Variants in ZBTB14 observed in about 807,000 individuals in gnomAD.
The protein encoded by ZBTB14 is zinc finger and BTB domain containing 14.
In ZBTB14, 8 loss-of-function variants were observed where a neutral mutation model predicts 29.5. That is an observed-to-expected ratio of 0.27 (90% confidence interval 0.16 to 0.49). The LOEUF is 0.49. Among genes scored for constraint, ZBTB14 ranks in the 20% least tolerant of loss-of-function variants. ZBTB14 has a pLI of 0.99. For missense variants in ZBTB14, 333 were observed against 563.8 expected, an observed-to-expected ratio of 0.59 and a Z score of 4.15; for synonymous variants, 226 against 207.2, an observed-to-expected ratio of 1.09 and a Z score of -0.78.
Position 5,289,397 on chromosome 18 carries a change from A to G in ZBTB14, c.*1461T>C, listed in dbSNP as rs1391786711. ...CAAGCTATGAAGTGAAATTACTTTAATTTTTTTAAAAGAAATCCTAGCAAT... is the reference window on the plus strand; with the variant it reads ...CAAGCTATGAAGTGAAATTACTTTAGTTTTTTTAAAAGAAATCCTAGCAAT... On this transcript the variant is annotated 3_prime_UTR_variant, in exon 4 of 4. Coordinates refer to ENST00000651870, the MANE Select transcript of ZBTB14 (RefSeq NM_001243702.2). The G allele has an allele frequency of 2.6e-5, 4 of 152,160 alleles. No homozygotes were observed. Among genetic ancestry groups the G allele is most frequent in the African/African-American group, 9.7e-5 (4 of 41,450 alleles). 9.4% of individuals were successfully genotyped at this position (152,160 alleles called of 1,614,324 possible).
chr18:5,291,269 A>T lies in ZBTB14; in HGVS notation c.939T>A (p.Gly313=), dbSNP rs149008980. 100 of 1,613,872 alleles carry T rather than the reference A, an allele frequency of 6.2e-5. No individual in the cohort carries two copies. Among genetic ancestry groups the T allele is most frequent in the Non-Finnish European group, 8.2e-5 (97 of 1,180,010 alleles). The part of the protein sequence containing the change: ...RPFVCEMCTK[G]FTTQAHLKEH... ...CTTTCAGGTGGGCCTGTGTGGTGAA[A>T]CCTTTTGTGCACATTTCACAAACAA... The change falls in exon 4 of 4, where the codon GGT becomes GGA. Residue 313 remains glycine, a synonymous_variant. Coordinates refer to ENST00000651870, the MANE Select transcript of ZBTB14 (RefSeq NM_001243702.2). The surrounding 1 kb of genome is among the most constrained non-coding windows in gnomAD (Gnocchi z 5.8).
rs1460769436 is a variant in ZBTB14 at position 5,291,195 on chromosome 18, C to A, written c.1013G>T (p.Cys338Phe). The change falls in exon 4 of 4, where the codon TGT becomes TTT. Residue 338 changes from cysteine (C) to phenylalanine (F), a missense_variant. Physicochemically the swap from Cys to Phe is radical, Grantham distance 205 (BLOSUM62 -2). Transcript: ENST00000651870. This position sits in a 1 kb window ranked among gnomAD's most constrained non-coding sequence, Gnocchi z 5.8. ...TGGGGCACGGATAAATGATTTTCCACACACCTCACAGCTATAGGGCTTATA... is the reference window on the plus strand; with the variant it reads ...TGGGGCACGGATAAATGATTTTCCAAACACCTCACAGCTATAGGGCTTATA... ...TGYKPYSCEV[C>F]GKSFIRAPDL... 1 of 1,614,138 alleles carries A rather than the reference C, an allele frequency of 6.2e-7. No individual in the cohort carries two copies.
At chr18:5,296,687 G>A (rs139520908), upstream of ZBTB14, among the ~76,000 whole-genome samples, 1 of 152,112 alleles carries the variant, frequency 6.6e-6, no homozygotes, top group African/African-American at 2.4e-5. Context: ...AAAAAGCGAC[G>A]TCTTCGATTT....
rs927374213 is a variant in ZBTB14, at chr18:5,290,723, C to A, written c.*135G>T. 1 of 1,348,126 alleles carries A rather than the reference C, an allele frequency of 7.4e-7. No individual in the cohort carries two copies. The highest frequency in any genetic ancestry group is 1.5e-5 in the African/African-American group (1 of 68,396). 83.5% of individuals were successfully genotyped at this position (1,348,126 alleles called of 1,614,324 possible). A position where few individuals can be genotyped will look rare whatever the true frequency, so the allele number is the denominator to read the frequency against. ...TTGAAAAGTCTTAAAAATAGCTAAC[C>A]AAGCACTGCCTTAAGTCCAGTGAGT... On this transcript the variant is annotated 3_prime_UTR_variant, in exon 4 of 4. Transcript: ENST00000651870.
chr18:5,291,470 A>G lies in ZBTB14; in HGVS notation c.738T>C (p.Ser246=). 2 of 1,613,570 alleles carry G rather than the reference A, an allele frequency of 1.2e-6. No individual in the cohort carries two copies. The highest frequency in any genetic ancestry group is 1.7e-6 in the Non-Finnish European group (2 of 1,179,880). Residue 246 remains serine, a synonymous_variant, in exon 4 of 4, where the codon AGT becomes AGC. Transcript: ENST00000651870. This position sits in a 1 kb window ranked among gnomAD's most constrained non-coding sequence, Gnocchi z 5.8. ...CTGGTGTCTGTTCATCTTTCACTTCACTCATCCCATCATTAAATGTTAAGG... is the reference window on the plus strand; with the variant it reads ...CTGGTGTCTGTTCATCTTTCACTTCGCTCATCCCATCATTAAATGTTAAGG... ...PQALTFNDGM[S]EVKDEQTPGW... is the part of the protein sequence containing the mutation.
Position 5,289,511 on chromosome 18 carries a change from AC to A in ZBTB14, c.*1346del, listed in dbSNP as rs2143206939. ...TACTTTTTTACAGAACACAATTCAA[AC>A]TATTGTTGGCATTTCAATATATTCC... On this transcript the variant is annotated 3_prime_UTR_variant, in exon 4 of 4. Coordinates refer to ENST00000651870, the MANE Select transcript of ZBTB14 (RefSeq NM_001243702.2). 1 of 152,346 alleles carries A rather than the reference AC, an allele frequency of 6.6e-6. No homozygotes were observed. Among genetic ancestry groups the A allele is most frequent in the African/African-American group, 2.4e-5 (1 of 41,582 alleles). The allele number at this position is 152,346 out of a possible 1,614,324, so 9.4% of individuals were successfully genotyped here.
At chr18:5,296,970 G>C (rs188636271), upstream of ZBTB14, 1 of 151,830 alleles carries the variant, frequency 6.6e-6, no homozygotes, top group African/African-American at 2.4e-5. Context: ...GTCTGGCGTC[G>C]GGAGCTGGGA....
upstream of ZBTB14, among the ~76,000 whole-genome samples, chr18:5,296,422 G>A (rs1319735309): frequency 6.7e-6 from 1 of 149,194 alleles, no homozygotes; most frequent in Non-Finnish European, 1.5e-5. Flanking sequence ...CAGCGCCGGG[G>A]ACGCGGGAGC....
rs761686704 is a variant in ZBTB14 at position 5,292,325 on chromosome 18, G to T, written c.4-121C>A. The T allele has an allele frequency of 8.1e-6, 7 of 863,210 alleles. No individual in the cohort carries two copies. In the South Asian group the frequency reaches 1.4e-4, roughly 18 times the overall value. 53.5% of individuals were successfully genotyped at this position (863,210 alleles called of 1,614,324 possible). Reference sequence around the variant, plus strand: ...AACAATTTCAGAAAGTCAATGTTAAGAGTGGTCTTTGAATATGGGTAGAAA... The same window carrying T: ...AACAATTTCAGAAAGTCAATGTTAATAGTGGTCTTTGAATATGGGTAGAAA... On this transcript the variant is annotated intron_variant, in intron 3 of 3. Coordinates refer to ENST00000651870, the MANE Select transcript of ZBTB14 (RefSeq NM_001243702.2).
At chr18:5,294,523 G>A (rs1476324372) in intron 1 of ZBTB14, among the ~76,000 whole-genome samples, 3 of 152,140 alleles carry the variant, frequency 2.0e-5, no homozygotes, top group African/African-American at 7.2e-5. Context: ...TCTCTCTCAA[G>A]ATGTATGAGA....
intron 1 of ZBTB14, among the ~76,000 whole-genome samples, chr18:5,295,309 C>T (rs994353183): frequency 2.8e-5 from 4 of 144,236 alleles, no homozygotes; most frequent in African/African-American, 9.9e-5. Context: ...GGCGCGCGGC[C>T]GGCTAACCCA....
At chr18:5,293,504 CTA>C (rs1476210148) in intron 2 of ZBTB14, 177 bp from the exon 3 acceptor site, 2 of 448,748 alleles carry the variant, frequency 4.5e-6, no homozygotes, top group Non-Finnish European at 8.2e-6. Context: ...CAGATATGGA[CTA>C]GAACAGATAA....
At chr18:5,293,638 G>C (rs1310663149) in intron 2 of ZBTB14, 1 of 179,286 alleles carries the variant, frequency 5.6e-6, no homozygotes, top group Non-Finnish European at 1.2e-5. Context: ...AGAGATTGAT[G>C]GCTACACAGA....
At chr18:5,292,427 A>T (rs1033605086) in intron 3 of ZBTB14, among the ~76,000 whole-genome samples, 2 of 152,184 alleles carry the variant, frequency 1.3e-5, no homozygotes, top group Admixed American at 6.5e-5. Flanking sequence ...GCCTAGTTAT[A>T]TCCCAGGCAT....
chr18:5,292,746 A>G (rs2071845726), intron 3 of ZBTB14, among the ~76,000 whole-genome samples: 1 of 152,220 alleles, frequency 6.6e-6, no homozygotes, highest in Non-Finnish European at 1.5e-5. Context: ...ATTATGTTAT[A>G]CCTCCTTGAC....
Position 5,291,436 on chromosome 18 carries a change from T to C in ZBTB14, c.772A>G (p.Thr258Ala). ...VKDEQTPGWT[T>A]AASDMKFEYL... ...TCAAACTTCATGTCACTGGCGGCTG[T>C]TGTCCAGCCTGGTGTCTGTTCATCT... Residue 258 changes from threonine (T) to alanine (A), a missense_variant, in exon 4 of 4, where the codon ACA (threonine) becomes GCA (alanine). By Grantham distance (58) the Thr-to-Ala change is moderately conservative. Around this residue, in one of 3 missense-constraint regions of ZBTB14, gnomAD observed 140 missense variants for 274.6 expected, o/e 0.51. Transcript: ENST00000651870. The surrounding 1 kb of genome is among the most constrained non-coding windows in gnomAD (Gnocchi z 5.8). The C allele has an allele frequency of 1.9e-6, 3 of 1,614,256 alleles. No homozygotes were observed. Among genetic ancestry groups the C allele is most frequent in the Non-Finnish European group, 2.5e-6 (3 of 1,180,042 alleles).
Position 5,289,327 on chromosome 18 carries a change from A to C in ZBTB14, c.*1531T>G, listed in dbSNP as rs2071761552. 1 of 152,234 alleles carries C rather than the reference A, an allele frequency of 6.6e-6. No individual in the cohort carries two copies. Among genetic ancestry groups the C allele is most frequent in the African/African-American group, 2.4e-5 (1 of 41,456 alleles). 9.4% of individuals were successfully genotyped at this position (152,234 alleles called of 1,614,324 possible). ...TCTTGGGCATAACACACACCAATTAAAAAATCAAATTTCTTTCACAATAGA... is the reference window on the plus strand; with the variant it reads ...TCTTGGGCATAACACACACCAATTACAAAATCAAATTTCTTTCACAATAGA... On this transcript the variant is annotated 3_prime_UTR_variant, in exon 4 of 4. Coordinates refer to ENST00000651870, the MANE Select transcript of ZBTB14 (RefSeq NM_001243702.2).
intron 3 of ZBTB14, among the ~76,000 whole-genome samples, chr18:5,292,688 T>C (rs2071843980): frequency 6.6e-6 from 1 of 152,234 alleles, no homozygotes; most frequent in Non-Finnish European, 1.5e-5. Flanking sequence ...GTCCTCTCTG[T>C]TGCACCTACT....
chr18:5,290,608 A>AAT lies in ZBTB14; in HGVS notation c.*249_*250insAT. On this transcript the variant is annotated 3_prime_UTR_variant, in exon 4 of 4. Transcript: ENST00000651870. ...CAAATTAAAATAATAAAAAAAAAAA[A>AAT]GGGAGAGAGGTGCTTACTGGGCAAC... The AAT allele has an allele frequency of 3.0e-6, 1 of 332,384 alleles. No individual in the cohort carries two copies. The highest frequency in any genetic ancestry group is 4.8e-6 in the Non-Finnish European group (1 of 206,986). 20.6% of individuals were successfully genotyped at this position (332,384 alleles called of 1,614,324 possible). A position where few individuals can be genotyped will look rare whatever the true frequency, so the allele number is the denominator to read the frequency against.
Sources: allele counts gnomAD v4.1 joint callset (sites outside exome capture counted in the v4.1 genomes callset), GRCh38; gene constraint gnomAD v4.1.1; regional missense constraint gnomAD v4.1.1; non-coding constraint Gnocchi (gnomAD v3.1); transcripts MANE v1.5; gene names NCBI Gene and HGNC (gene_info 2026-07-23, HGNC 2026-07-21).